Variants in TNRC6B observed in about 807,000 individuals in gnomAD.
TNRC6B encodes trinucleotide repeat containing adaptor 6B.
A neutral mutation model predicts 203.6 loss-of-function variants in TNRC6B; 52 were observed. The observed-to-expected ratio is 0.26, with a 90% CI of 0.20 to 0.32. TNRC6B has a LOEUF of 0.32. Among genes scored for constraint, TNRC6B ranks in the 10% least tolerant of loss-of-function variants. TNRC6B has a pLI of 1.00. For missense variants in TNRC6B, 1,923 were observed against 2,286.2 expected (o/e 0.84, Z 3.24); for synonymous variants, 838 against 845.7 (o/e 0.99, Z 0.16).
chr22:40,158,340 CAATAAATAAATAAATA>C (rs144615900), intron 4 of TNRC6B, among the ~76,000 whole-genome samples: 203 of 139,186 alleles, frequency 1.5e-3, no homozygotes, highest in African/African-American at 1.7e-3. Context: ...ACTCCATCTT[CAATAAATAAATAAATA>C]AATAAATAAA....
At chr22:40,302,810 C>T (rs1048665417) in intron 15 of TNRC6B, among the ~76,000 whole-genome samples, 3 of 152,044 alleles carry the variant, frequency 2.0e-5, no homozygotes, top group East Asian at 1.9e-4. Flanking sequence ...GATATTTTAA[C>T]GGAATTACTT....
chr22:40,069,504 T>TC (rs1398724518), intron 1 of TNRC6B, among the ~76,000 whole-genome samples: 5 of 151,806 alleles, frequency 3.3e-5, no homozygotes, highest in African/African-American at 1.2e-4. Context: ...TTTTTTTTTT[T>TC]GAGATGGAGT....
Position 40,265,970 on chromosome 22 carries a change from A to G in TNRC6B, c.1740A>G (p.Ala580=), listed in dbSNP as rs1985883764. Residue 580 remains alanine (A), a synonymous_variant, in exon 5 of 23, where the codon GCA becomes GCG. Coordinates refer to ENST00000454349, the MANE Select transcript of TNRC6B (RefSeq NM_001162501.2). ...AAAGCACTGGAAGCAACCACAAAGC[A>G]GGAAGTAGTGACAGTCATAACTCTG... ...GGQSTGSNHK[A]GSSDSHNSGR... The G allele has an allele frequency of 1.2e-6, 2 of 1,614,056 alleles. No individual in the cohort carries two copies. Among genetic ancestry groups the G allele is most frequent in the East Asian group, 2.2e-5 (1 of 44,890 alleles).
At chr22:40,213,246 A>G (rs765231995) in intron 1 of TNRC6B, among the ~76,000 whole-genome samples, 6 of 152,192 alleles carry the variant, frequency 3.9e-5, no homozygotes, top group Non-Finnish European at 8.8e-5. Flanking sequence ...TATGTTATAT[A>G]TATTTTACCA....
chr22:40,208,073 C>T (rs527560879), intron 1 of TNRC6B, among the ~76,000 whole-genome samples: 15 of 143,056 alleles, frequency 1.0e-4, no homozygotes, highest in South Asian at 9.0e-4. Flanking sequence ...GAGATGCGCC[C>T]GTCTCTCCAG....
At chr22:40,285,531 A>T in intron 11 of TNRC6B, 114 bp from the exon 12 acceptor site, 2 of 1,280,128 alleles carry the variant, frequency 1.6e-6, no homozygotes, top group Non-Finnish European at 2.1e-6. Context: ...AAATTCTGTT[A>T]TTCCATCGAA....
intron 1 of TNRC6B, among the ~76,000 whole-genome samples, chr22:40,055,875 T>A (rs73416463): frequency 0.044 from 6,745 of 152,228 alleles, 444 homozygotes; most frequent in African/African-American, 0.15. Flanking sequence ...GGGCCTCTGG[T>A]ATATGTTCTG....
intron 3 of TNRC6B, among the ~76,000 whole-genome samples, chr22:40,140,495 G>A (rs1473556337): frequency 2.6e-5 from 4 of 152,128 alleles, no homozygotes; most frequent in Non-Finnish European, 5.9e-5. Context: ...GAAGATGGAA[G>A]AACAAAATAG....
rs929849911 is a variant in TNRC6B at position 40,257,107 on chromosome 22, T to C, written c.116-4725T>C. 2.0e-5 allele frequency among the ~76,000 whole-genome samples: 3 copies of C among 152,238 alleles called. No homozygotes were observed. The East Asian group carries it at 5.8e-4, about 29-fold the overall frequency. On this transcript the variant is annotated intron_variant, in intron 3 of 22. Transcript: ENST00000454349. ...AAAATGTTCAGCCTAGAATATCTTT[T>C]CTAGGCCTTGTTTGTATTTTAACTA...
chr22:40,223,533 A>G (rs1257679684), intron 1 of TNRC6B, among the ~76,000 whole-genome samples: 2 of 152,158 alleles, frequency 1.3e-5, no homozygotes, highest in Admixed American at 6.5e-5. Context: ...TCAAGTACAC[A>G]TTTTTTGCAT....
At chr22:40,060,308 C>T (rs969712419) in intron 1 of TNRC6B, among the ~76,000 whole-genome samples, 1 of 151,970 alleles carries the variant, frequency 6.6e-6, no homozygotes, top group African/African-American at 2.4e-5. Flanking sequence ...GCAACCTTCA[C>T]TTCCTGAGTT....
intron 3 of TNRC6B, among the ~76,000 whole-genome samples, chr22:40,257,430 A>C (rs2070297196): frequency 1.3e-5 from 2 of 152,208 alleles, no homozygotes; most frequent in Non-Finnish European, 2.9e-5. Flanking sequence ...AAGAAAATGA[A>C]TGGAGGACGG....
At chr22:40,280,955 G>C (rs1402354086) in intron 10 of TNRC6B, among the ~76,000 whole-genome samples, 164 bp from the exon 11 acceptor site, 1 of 152,156 alleles carries the variant, frequency 6.6e-6, no homozygotes, top group East Asian at 1.9e-4. Context: ...GGTGTCTGTT[G>C]GGCCAAGTGT....
intron 1 of TNRC6B, among the ~76,000 whole-genome samples, chr22:40,243,377 A>T (rs1374171966): frequency 6.6e-6 from 1 of 152,234 alleles, no homozygotes; most frequent in Non-Finnish European, 1.5e-5. Context: ...TACCAAAACA[A>T]AACAAAACAA....
Position 40,323,353 on chromosome 22 carries a change from AAAG to A in TNRC6B, c.*115_*117del. The A allele has an allele frequency of 7.3e-7, 1 of 1,371,712 alleles. No individual in the cohort carries two copies. The highest frequency in any genetic ancestry group is 2.4e-5 in the East Asian group (1 of 42,228). The allele number at this position is 1,371,712 out of a possible 1,614,324, so 85.0% of individuals were successfully genotyped here. On this transcript the variant is annotated 3_prime_UTR_variant, in exon 23 of 23. Transcript: ENST00000454349. ...CAATAAATACATTTTTAAAAGGAAAAAAGAAAACGGAGAGAAAAAAAGGTGGGT... is the reference window on the plus strand; with the variant it reads ...CAATAAATACATTTTTAAAAGGAAAAAAAACGGAGAGAAAAAAAGGTGGGT...
intron 1 of TNRC6B, among the ~76,000 whole-genome samples, chr22:40,045,238 T>C (rs1401153145): frequency 7.1e-6 from 1 of 140,726 alleles, no homozygotes; most frequent in Non-Finnish European, 1.6e-5. Context: ...GAGCGCGCGC[T>C]CCGCGGGAGC....
intron 8 of TNRC6B, among the ~76,000 whole-genome samples, 194 bp from the exon 9 acceptor site, chr22:40,277,805 T>C (rs2070666548): frequency 6.6e-6 from 1 of 152,202 alleles, no homozygotes; most frequent in Non-Finnish European, 1.5e-5. Flanking sequence ...GAAAACTGAA[T>C]TGTAGGAATA....
chr22:40,211,372 C>A (rs2069560589), intron 1 of TNRC6B, among the ~76,000 whole-genome samples: 1 of 118,012 alleles, frequency 8.5e-6, no homozygotes, highest in Admixed American at 8.4e-5. Flanking sequence ...AGCCACCATG[C>A]CCGGCCTGTT....
At chr22:40,188,702 A>C (rs1329359183) in intron 1 of TNRC6B, among the ~76,000 whole-genome samples, 2 of 152,214 alleles carry the variant, frequency 1.3e-5, no homozygotes, top group South Asian at 4.1e-4. Context: ...AACTGAAGTT[A>C]GTTAGATAAT....
Sources: allele counts gnomAD v4.1 joint callset (sites outside exome capture counted in the v4.1 genomes callset), GRCh38; gene constraint gnomAD v4.1.1; transcripts MANE v1.5; gene names NCBI Gene and HGNC (gene_info 2026-07-23, HGNC 2026-07-21).